Variants in NEO1 observed in about 807,000 individuals in gnomAD.
NEO1 encodes the protein neogenin.
A neutral mutation model predicts 159.7 loss-of-function variants in NEO1; 63 were observed. The ratio of observed to expected loss-of-function variants is 0.39; its 90% confidence interval spans 0.32 to 0.49. The LOEUF (loss-of-function observed/expected upper bound fraction) is 0.49, where lower values mean the gene tolerates loss of function less well. Ranked by LOEUF, NEO1 falls within the 20% of genes least tolerant of loss-of-function variation. The pLI, the probability that NEO1 is intolerant of heterozygous loss-of-function variation, is 0.85. For missense variants in NEO1, 1,615 were observed against 1,831.0 expected (o/e 0.88, Z 2.15); for synonymous variants, 633 against 662.0 (o/e 0.96, Z 0.67).
At chr15:73,128,201 C>A (rs1487422975) in intron 4 of NEO1, among the ~76,000 whole-genome samples, 1 of 151,960 alleles carries the variant, frequency 6.6e-6, no homozygotes, top group Non-Finnish European at 1.5e-5. Flanking sequence ...CTCCTCTTTC[C>A]AGCTAAATAT....
intron 22 of NEO1, among the ~76,000 whole-genome samples, chr15:73,281,206 A>G (rs963306472): frequency 1.3e-5 from 2 of 148,206 alleles, no homozygotes; most frequent in African/African-American, 4.9e-5. Context: ...AGACTCAAAA[A>G]AAAAAAAAAC....
intron 11 of NEO1, among the ~76,000 whole-genome samples, chr15:73,251,982 TGG>T: frequency 6.6e-6 from 1 of 152,256 alleles, no homozygotes. Flanking sequence ...ACAGATATGT[TGG>T]ATACCTCTGC....
At chr15:73,272,775 G>C (rs1008947725) in intron 19 of NEO1, among the ~76,000 whole-genome samples, 1 of 152,076 alleles carries the variant, frequency 6.6e-6, no homozygotes, top group Non-Finnish European at 1.5e-5. Context: ...TGGTGGTTCT[G>C]ACTGCAGTCG....
intron 1 of NEO1, among the ~76,000 whole-genome samples, chr15:73,094,200 A>C (rs2069868198): frequency 6.6e-6 from 1 of 152,114 alleles, no homozygotes; most frequent in South Asian, 2.1e-4. Flanking sequence ...CATCACCCCA[A>C]AAGAAATCTT....
intron 12 of NEO1, among the ~76,000 whole-genome samples, chr15:73,254,084 G>A (rs1035340361): frequency 3.3e-5 from 5 of 152,142 alleles, no homozygotes; most frequent in African/African-American, 1.2e-4. Context: ...CCAGCTGCTC[G>A]GAGGCTGAGG....
At chr15:73,282,287 A>G (rs1454313769) in intron 22 of NEO1, among the ~76,000 whole-genome samples, 1 of 152,018 alleles carries the variant, frequency 6.6e-6, no homozygotes, top group Non-Finnish European at 1.5e-5. Context: ...ATAATTTCAT[A>G]TTTATCGTTT....
In NEO1 at chr15:73,230,851, A is replaced by G. The variant is rs575799011; in HGVS notation, c.1292-5496A>G. On this transcript the variant is annotated intron_variant, in intron 7 of 28. Coordinates refer to ENST00000261908, the MANE Select transcript of NEO1 (RefSeq NM_002499.4). Reference sequence around the variant, plus strand: ...AAGTGATCCACCACTTCAGCCTCCCAAAGTGCTGGGTTTATATAGGCATAA... The same window carrying G: ...AAGTGATCCACCACTTCAGCCTCCCGAAGTGCTGGGTTTATATAGGCATAA... Among the ~76,000 whole-genome samples, 126 of 152,240 alleles carry G rather than the reference A, an allele frequency of 8.3e-4. 2 individuals are homozygous for G. Among genetic ancestry groups the G allele is most frequent in the South Asian group, 4.6e-3 (22 of 4,818 alleles).
At chr15:73,223,043 G>T (rs1016156705) in intron 7 of NEO1, among the ~76,000 whole-genome samples, 43 of 152,282 alleles carry the variant, frequency 2.8e-4, no homozygotes, top group African/African-American at 1.0e-3. Context: ...AACCAAAGCA[G>T]GTTTTGAACC....
Position 73,176,497 on chromosome 15 carries a change from A to C in NEO1, c.1110A>C (p.Pro370=), listed in dbSNP as rs769938083. The change falls in exon 6 of 29, where the codon CCA becomes CCC. Residue 370 remains proline, a synonymous_variant. Coordinates refer to ENST00000261908, the MANE Select transcript of NEO1 (RefSeq NM_002499.4). ...FECEVTGKPT[P]TVKWVKNGDM... is the part of the protein sequence containing the mutation. ...GTGAAGTGACTGGAAAACCAACTCC[A>C]ACTGTGAAGTGGGTCAAAAATGGGG... 2.5e-6 allele frequency: 4 copies of C among 1,612,438 alleles called. No homozygotes were observed. Among genetic ancestry groups the C allele is most frequent in the Non-Finnish European group, 3.4e-6 (4 of 1,179,130 alleles).
intron 7 of NEO1, among the ~76,000 whole-genome samples, chr15:73,203,386 C>A (rs1250142338): frequency 6.6e-6 from 1 of 152,074 alleles, no homozygotes; most frequent in Non-Finnish European, 1.5e-5. Flanking sequence ...GTAGACAGCA[C>A]ATAGTTTGTC....
intron 8 of NEO1, 83 bp downstream of exon 8, chr15:73,236,589 GTAC>G: frequency 5.6e-6 from 7 of 1,247,168 alleles, no homozygotes; most frequent in Non-Finnish European, 8.1e-6. Flanking sequence ...CTTGGTATCT[GTAC>G]CAATTTTTAG....
At chr15:73,127,492 C>G (rs1407326394) in intron 4 of NEO1, among the ~76,000 whole-genome samples, 1 of 152,152 alleles carries the variant, frequency 6.6e-6, no homozygotes, top group African/African-American at 2.4e-5. Flanking sequence ...GCATCCCTGC[C>G]TTCTACCCAT....
intron 7 of NEO1, among the ~76,000 whole-genome samples, chr15:73,208,714 T>G (rs1416532961): frequency 6.6e-6 from 1 of 151,870 alleles, no homozygotes; most frequent in Non-Finnish European, 1.5e-5. Context: ...ACACAAAAAT[T>G]AGTGGGACAT....
chr15:73,086,591 C>T, intron 1 of NEO1, among the ~76,000 whole-genome samples: 1 of 136,734 alleles, frequency 7.3e-6, no homozygotes. Context: ...GATGGAGTCT[C>T]ACTCTGTCAC....
intron 1 of NEO1, among the ~76,000 whole-genome samples, chr15:73,056,619 C>T (rs1245280637): frequency 6.6e-6 from 1 of 152,132 alleles, no homozygotes; most frequent in Non-Finnish European, 1.5e-5. Context: ...TATGATGGCC[C>T]TTCATGTGTC....
At chr15:73,296,283 G>C (rs535504265) in intron 26 of NEO1, among the ~76,000 whole-genome samples, 5 of 152,138 alleles carry the variant, frequency 3.3e-5, no homozygotes, top group African/African-American at 9.6e-5. Flanking sequence ...CCTCCTCCCT[G>C]CTACCCTTCC....
intron 25 of NEO1, among the ~76,000 whole-genome samples, chr15:73,292,632 T>C (rs1162090488): frequency 6.6e-6 from 1 of 152,240 alleles, no homozygotes; most frequent in Non-Finnish European, 1.5e-5. Flanking sequence ...TCAGATTCTT[T>C]AGCTAAACGC....
chr15:73,200,729 A>G (rs12324115), intron 7 of NEO1, among the ~76,000 whole-genome samples: 1,241 of 120,180 alleles, frequency 0.01, 23 homozygotes, highest in African/African-American at 0.037. Flanking sequence ...GGCTGGAGGG[A>G]CTGAAGTGCA....
intron 7 of NEO1, among the ~76,000 whole-genome samples, chr15:73,233,963 C>T (rs2039045196): frequency 6.6e-6 from 1 of 152,148 alleles, no homozygotes; most frequent in South Asian, 2.1e-4. Context: ...GTGATTTACC[C>T]AACCTCGCAT....
Sources: gnomAD v4.1 joint callset for allele counts (sites outside exome capture counted in the v4.1 genomes callset) on GRCh38, gnomAD v4.1.1 for gene constraint, MANE v1.5 for transcripts, NCBI Gene and HGNC (gene_info 2026-07-23, HGNC 2026-07-21) for gene names.